The following SCART1 variants were observed in gnomAD, a reference collection of about 807,000 sequenced individuals.
SCART1 encodes scavenger receptor cysteine-rich domain-containing protein SCART1.
Under a neutral mutation model 36.2 loss-of-function variants are expected in SCART1, and 62 were observed. The ratio of observed to expected loss-of-function variants is 1.71; its 90% CI spans 1.40 to 2.12. The LOEUF (loss-of-function observed/expected upper bound fraction) is 2.12. Ranked by LOEUF, SCART1 falls within the 30% of genes most tolerant of loss-of-function variation. The pLI is 0.00. For missense variants in SCART1, 1,041 were observed against 540.5 expected, an observed-to-expected ratio of 1.93 and a Z score of -9.18; for synonymous variants, 487 against 238.7, an observed-to-expected ratio of 2.04 and a Z score of -9.59.
exon 9 of SCART1, chr10:133,465,419 C>A (rs1205964934): frequency 1.7e-6 from 1 of 575,106 alleles, no homozygotes; most frequent in South Asian, 2.1e-5. Context: ...GCCCTGGGGG[C>A]CGCCGCCTTT....
downstream of SCART1, among the ~76,000 whole-genome samples, chr10:133,469,414 G>GA (rs1850794330): frequency 6.6e-6 from 1 of 152,130 alleles, no homozygotes; most frequent in South Asian, 2.1e-4. Context: ...TATGCAGCCA[G>GA]AAAAAAGGAT....
At position 133,468,139 on chromosome 10, in the gene SCART1, T is replaced by A. The variant is rs1007388282; in HGVS notation, c.*171T>A. The A allele has an allele frequency of 1.2e-5, 6 of 500,036 alleles. No homozygotes were observed. In the East Asian group the frequency reaches 1.8e-4, roughly 15 times the overall value. 31.0% of individuals were successfully genotyped at this position (500,036 alleles called of 1,614,324 possible). On this transcript the variant is annotated 3_prime_UTR_variant, in exon 12 of 12. Transcript: ENST00000640237. The stretch of plus-strand genomic sequence containing the variant: ...AGGCCCTGCCTGGCTCTAAACCTCA[T>A]CCCCTTCGAGGGCCATCTGCTGTGG...
chr10:133,465,369 G>C (rs1252456353), exon 9 of SCART1: 1 of 673,794 alleles, frequency 1.5e-6, no homozygotes, highest in Non-Finnish European at 2.7e-6. Flanking sequence ...CGGACGCGGA[G>C]GTCGTGTGCC....
In SCART1 at chr10:133,459,735, C is replaced by T; in HGVS notation, c.1534C>T (p.Gln512Ter). The change falls in exon 6 of 12, where the codon CAG (glutamine) becomes TAG (stop). Residue 512 changes from glutamine to a stop codon, truncating the protein, a stop_gained. Transcript: ENST00000640237. LOFTEE classifies it high-confidence loss of function. ...TCTGGGCACCGAAACCCGCCTGACT[C>T]AGTGCAACGTGTCCGCGACCCTGCA... 1 of 699,666 alleles carries T rather than the reference C, an allele frequency of 1.4e-6. No homozygotes were observed. Among genetic ancestry groups the T allele is most frequent in the South Asian group, 1.5e-5 (1 of 67,346 alleles). The allele number at this position is 699,666 out of a possible 1,614,324, so 43.3% of individuals were successfully genotyped here.
chr10:133,466,079 C>T, intron 9 of SCART1, 156 bp from the exon 10 acceptor site: 2 of 631,372 alleles, frequency 3.2e-6, no homozygotes, highest in Non-Finnish European at 5.7e-6. Flanking sequence ...GGGTGCTCTG[C>T]ACAGCTGAAA....
exon 9 of SCART1, chr10:133,465,447 C>T (rs928847615): frequency 3.3e-5 from 18 of 538,442 alleles, no homozygotes; most frequent in Middle Eastern, 4.2e-4. Context: ...GCTCCGGGCC[C>T]GTGTGGCTGG....
At chr10:133,460,471 C>CAT (rs55751015) in intron 6 of SCART1, among the ~76,000 whole-genome samples, 93,353 of 136,280 alleles carry the variant, frequency 0.69, 34,744 homozygotes, top group Non-Finnish European at 0.83. Flanking sequence ...ATCCGAAATT[C>CAT]ATATATATAT....
exon 6 of SCART1, chr10:133,459,652 A>G (rs1850669129): frequency 1.4e-6 from 1 of 691,600 alleles, no homozygotes; most frequent in Non-Finnish European, 2.6e-6. Context: ...CAGCAAGCCT[A>G]TGACGCACCT....
chr10:133,467,041 G>C (rs187609242), intron 10 of SCART1, 157 bp from the exon 11 acceptor site: 3 of 540,596 alleles, frequency 5.5e-6, no homozygotes, highest in Non-Finnish European at 6.6e-6. Context: ...AGGGCACTGG[G>C]AGTCTGGCTA....
At chr10:133,458,007 C>T (rs1054053030) in intron 3 of SCART1, 13 of 541,562 alleles carry the variant, frequency 2.4e-5, no homozygotes, top group African/African-American at 1.5e-4. Flanking sequence ...CTGCCTGCTG[C>T]GGTACCCCAG....
chr10:133,462,576 A>G (rs568910456), intron 6 of SCART1, among the ~76,000 whole-genome samples: 1 of 152,350 alleles, frequency 6.6e-6, no homozygotes, highest in African/African-American at 2.4e-5. Context: ...GCCCTGCCAC[A>G]GGCAGCAGCA....
chr10:133,460,832 G>A, intron 6 of SCART1, among the ~76,000 whole-genome samples: 1 of 151,514 alleles, frequency 6.6e-6, no homozygotes, highest in Non-Finnish European at 1.5e-5. Context: ...TCTGCTTCCT[G>A]GGCTCAAACC....
At chr10:133,459,975 G>T in exon 6 of SCART1, 1 of 546,336 alleles carries the variant, frequency 1.8e-6, no homozygotes, top group Non-Finnish European at 3.2e-6. Context: ...GGACGCGCAC[G>T]TGGTCTGCAG....
intron 4 of SCART1, 25 bp from the exon 5 acceptor site, chr10:133,458,996 C>T (rs1238846357): frequency 1.5e-6 from 1 of 654,070 alleles, no homozygotes; most frequent in African/African-American, 1.8e-5. Context: ...GTCTGCAAGC[C>T]AGGCTGACTC....
At position 133,467,274 on chromosome 10, in the gene SCART1, C is replaced by G. The variant is rs751485645; in HGVS notation, c.2883C>G (p.Tyr961Ter). ...GGGAAATGCCGCCAGCAGGACTGTA[C>G]GAGGAAATCATGGAGGCCGAGGCTG... Residue 961 changes from tyrosine (Y) to a stop codon, truncating the protein, a stop_gained, in exon 11 of 12, where the codon TAC (tyrosine) becomes TAG (stop). Transcript: ENST00000640237. LOFTEE classifies it high-confidence loss of function. 3 of 702,954 alleles carry G rather than the reference C, an allele frequency of 4.3e-6. No individual in the cohort carries two copies. Among genetic ancestry groups the G allele is most frequent in the South Asian group, 1.5e-5 (1 of 67,584 alleles). 43.5% of individuals were successfully genotyped at this position (702,954 alleles called of 1,614,324 possible).
chr10:133,465,384 G>A (rs1400946345), exon 9 of SCART1: 4 of 656,588 alleles, frequency 6.1e-6, no homozygotes, highest in Non-Finnish European at 2.7e-6. Context: ...TGTGCCGCCA[G>A]CTGGGCTGTG....
rs3939167 is a variant in SCART1, at chr10:133,458,631, T to C, written c.954T>C (p.Gly318=). 1.0e-3 allele frequency: 700 copies of C among 699,632 alleles called. 4 individuals are homozygous for C. The African/African-American group carries it at 0.01, about 10-fold the overall frequency. 43.3% of individuals were successfully genotyped at this position (699,632 alleles called of 1,614,324 possible). A position where few individuals can be genotyped will look rare whatever the true frequency, so the allele number is the denominator to read the frequency against. ...GGCGTGGGAGCCAGTGTGGGCATGG[T>C]CACGACGCGGGGCTCAGGTGCTCAG... is the stretch of plus-strand genomic sequence containing the variant. The change falls in exon 4 of 12, where the codon GGT becomes GGC. Residue 318 remains glycine (G), a synonymous_variant. Transcript: ENST00000640237.
At chr10:133,461,125 C>CTTGTCCAGGTGTGGTCATTCTTGGG (rs1850697207) in intron 6 of SCART1, among the ~76,000 whole-genome samples, 8 of 152,094 alleles carry the variant, frequency 5.3e-5, no homozygotes, top group Admixed American at 2.6e-4. Flanking sequence ...GTGTTCTGAT[C>CTTGTCCAGGTGTGGTCATTCTTGGG]TTGTCCAGGT....
At position 133,454,065 on chromosome 10, in the gene SCART1, G is replaced by T. The variant is rs1347106023; in HGVS notation, c.67+1G>T. 4 of 702,880 alleles carry T rather than the reference G, an allele frequency of 5.7e-6. No homozygotes were observed. Among genetic ancestry groups the T allele is most frequent in the Non-Finnish European group, 1.0e-5 (4 of 384,978 alleles). The allele number at this position is 702,880 out of a possible 1,614,324, so 43.5% of individuals were successfully genotyped here. A position where few individuals can be genotyped will look rare whatever the true frequency, so the allele number is the denominator to read the frequency against. Reference sequence around the variant, plus strand: ...CTGAATCTCTGGGCAGTCCCCATTGGTAAGTTTCTGCTTCCTTCATCCATG... The same window carrying T: ...CTGAATCTCTGGGCAGTCCCCATTGTTAAGTTTCTGCTTCCTTCATCCATG... On this transcript the variant is annotated splice_donor_variant, in intron 1 of 11. Transcript: ENST00000640237. LOFTEE classifies it high-confidence loss of function.
Sources: gnomAD v4.1 joint callset for allele counts (sites outside exome capture counted in the v4.1 genomes callset) on GRCh38, gnomAD v4.1.1 for gene constraint, MANE v1.5 for transcripts, NCBI Gene and HGNC (gene_info 2026-07-23, HGNC 2026-07-21) for gene names.